SHOC1: variants seen among roughly 807,000 people sequenced by gnomAD.
SHOC1 encodes shortage in chiasmata 1, also known as protein shortage in chiasmata 1 ortholog.
In SHOC1, 136 loss-of-function variants were observed where a neutral mutation model predicts 179.2. The ratio of observed to expected loss-of-function variants is 0.76; its 90% CI spans 0.66 to 0.87. SHOC1 has a LOEUF of 0.87. Ranked by LOEUF, SHOC1 falls within the 40% of genes least tolerant of loss-of-function variation. The pLI, the probability that SHOC1 is intolerant of heterozygous loss-of-function variation, is 0.00. For synonymous variants in SHOC1, 489 were observed against 586.6 expected (o/e 0.83, Z 2.41); for missense variants, 1,538 against 1,700.8 (o/e 0.90, Z 1.68).
chr9:111,722,359 T>C (rs1833092593), intron 15 of SHOC1, 50 bp downstream of exon 15: 2 of 1,497,300 alleles, frequency 1.3e-6, no homozygotes, highest in African/African-American at 1.4e-5. Context: ...TTTGATACAA[T>C]AATTTCTAAG....
intron 24 of SHOC1, among the ~76,000 whole-genome samples, chr9:111,696,788 A>C (rs1349202087): frequency 6.6e-6 from 1 of 152,246 alleles, no homozygotes; most frequent in African/African-American, 2.4e-5. Flanking sequence ...TGAGCTGGGA[A>C]GAGAAGAAGC....
intron 21 of SHOC1, 58 bp from the exon 22 acceptor site, chr9:111,704,050 A>G (rs1832127394): frequency 1.1e-6 from 1 of 904,848 alleles, no homozygotes; most frequent in Admixed American, 2.2e-5. Flanking sequence ...TTATTTAAGA[A>G]AAGTTGTAGT....
chr9:111,721,732 T>A (rs1833062323), intron 15 of SHOC1, among the ~76,000 whole-genome samples: 1 of 152,224 alleles, frequency 6.6e-6, no homozygotes, highest in East Asian at 1.9e-4. Flanking sequence ...CTCTCTGCTC[T>A]CTAACATTCT....
intron 5 of SHOC1, among the ~76,000 whole-genome samples, chr9:111,774,761 C>T (rs1442153131): frequency 6.6e-6 from 1 of 151,742 alleles, no homozygotes; most frequent in East Asian, 1.9e-4. Context: ...ATTTATATAT[C>T]TACATAAAAA....
intron 27 of SHOC1, 69 bp from the exon 28 acceptor site, chr9:111,686,939 C>CTTTTTTTTTTTTTTTTTTTTTTTT (rs10537471): frequency 2.0e-6 from 1 of 498,932 alleles, no homozygotes; most frequent in Non-Finnish European, 3.1e-6. Context: ...TTTTCTTTTC[C>CTTTTTTTTTTTTTTTTTTTTTTTT]TTTTTTTTTT....
chr9:111,754,169 A>G (rs1332019646), intron 8 of SHOC1, among the ~76,000 whole-genome samples: 1 of 152,210 alleles, frequency 6.6e-6, no homozygotes, highest in Non-Finnish European at 1.5e-5. Context: ...CAATTTTGTC[A>G]CAAAAACACT....
At chr9:111,711,833 A>G (rs56351800) in intron 18 of SHOC1, among the ~76,000 whole-genome samples, 1,849 of 152,324 alleles carry the variant, frequency 0.012, 34 homozygotes, top group African/African-American at 0.042. Flanking sequence ...ACCAATCTAT[A>G]TGACTATGTG....
chr9:111,692,481 T>G lies in SHOC1; in HGVS notation c.3496A>C (p.Ile1166Leu). 1 of 1,592,560 alleles carries G rather than the reference T, an allele frequency of 6.3e-7. No individual in the cohort carries two copies. Among genetic ancestry groups the G allele is most frequent in the South Asian group, 1.1e-5 (1 of 87,956 alleles). Residue 1166 changes from isoleucine (I) to leucine (L), a missense_variant, in exon 27 of 28, where the codon ATT becomes CTT. Ile to Leu is a conservative substitution (Grantham distance 5). Transcript: ENST00000682961. ...GATTTTGTTATGGAAGAAGAACCAA[T>G]CTTGAATAGGGAAGTGATGCTACAA... ...HFCSITSLFK[I>L]GSSSITKSPQ...
chr9:111,751,714 A>G (rs764209473), intron 8 of SHOC1, among the ~76,000 whole-genome samples: 21 of 152,250 alleles, frequency 1.4e-4, no homozygotes, highest in Non-Finnish European at 2.8e-4. Context: ...GTTATAATTG[A>G]TTTCTTTCAA....
chr9:111,756,061 G>T (rs1300918448), intron 8 of SHOC1, among the ~76,000 whole-genome samples: 2 of 152,148 alleles, frequency 1.3e-5, no homozygotes. Flanking sequence ...GGCGGAGGTT[G>T]TGGTGAGCTG....
chr9:111,746,393 G>A (rs759169051), intron 9 of SHOC1, 51 bp from the exon 10 acceptor site: 1 of 1,207,794 alleles, frequency 8.3e-7, no homozygotes, highest in Non-Finnish European at 1.2e-6. Flanking sequence ...ATATTAAGTA[G>A]GCTAGGCGTG....
At position 111,703,916 on chromosome 9, in the gene SHOC1, C is replaced by T. The variant is rs1280948488; in HGVS notation, c.2932G>A (p.Val978Met). The T allele has an allele frequency of 1.2e-6, 2 of 1,608,012 alleles. No homozygotes were observed. Among genetic ancestry groups the T allele is most frequent in the Non-Finnish European group, 1.7e-6 (2 of 1,176,754 alleles). ...LFGSSECYVV[V>M]TIDEHTAIIL... ...ATGGCAGTGTGTTCATCAATTGTCA[C>T]CACTACATAACACTCTGAACTTCCA... Residue 978 changes from valine to methionine, a missense_variant, in exon 22 of 28, where the codon GTG becomes ATG. Val to Met is a conservative substitution (Grantham distance 21, BLOSUM62 1). Transcript: ENST00000682961.
intron 13 of SHOC1, among the ~76,000 whole-genome samples, chr9:111,725,335 T>A (rs1182780922): frequency 6.6e-6 from 1 of 152,170 alleles, no homozygotes; most frequent in Non-Finnish European, 1.5e-5. Context: ...AGGCAGGGTC[T>A]CCCTCTGTCA....
intron 20 of SHOC1, among the ~76,000 whole-genome samples, 178 bp downstream of exon 20, chr9:111,706,390 G>T (rs1832275837): frequency 6.6e-6 from 1 of 152,060 alleles, no homozygotes; most frequent in South Asian, 2.1e-4. Context: ...TACAAATGAG[G>T]ACTACGAGGT....
intron 27 of SHOC1, among the ~76,000 whole-genome samples, chr9:111,690,994 C>T (rs1459076779): frequency 3.9e-5 from 6 of 152,080 alleles, no homozygotes; most frequent in East Asian, 1.9e-4. Context: ...AGAAATGACA[C>T]TGAAAGAAAA....
intron 17 of SHOC1, among the ~76,000 whole-genome samples, chr9:111,713,384 A>G (rs12003864): frequency 0.057 from 8,677 of 152,268 alleles, 627 homozygotes; most frequent in African/African-American, 0.17. Flanking sequence ...ATATTTTGGG[A>G]TAGGGCATTC....
intron 1 of SHOC1, among the ~76,000 whole-genome samples, chr9:111,792,182 G>A (rs1465363367): frequency 6.6e-6 from 1 of 152,074 alleles, no homozygotes. Context: ...ACTAGTCCGG[G>A]ATGGTTCTCA....
chr9:111,706,774 G>T, intron 19 of SHOC1, 28 bp from the exon 20 acceptor site: 3 of 1,482,698 alleles, frequency 2.0e-6, no homozygotes, highest in South Asian at 2.7e-5. Context: ...CCAAGAAAAT[G>T]GCATTATACT....
In SHOC1 at chr9:111,686,604, C is replaced by A. The variant is rs891265101; in HGVS notation, c.*166G>T. 14 of 493,780 alleles carry A rather than the reference C, an allele frequency of 2.8e-5. No individual in the cohort carries two copies. The Admixed American group carries it at 3.8e-4, about 14-fold the overall frequency. The allele number at this position is 493,780 out of a possible 1,614,324, so 30.6% of individuals were successfully genotyped here. ...TTAGAATATTTAACTTACAAAGATG[C>A]AAACCATAGGGCAGAATACATATTA... On this transcript the variant is annotated 3_prime_UTR_variant, in exon 28 of 28. Coordinates refer to ENST00000682961, the MANE Select transcript of SHOC1 (RefSeq NM_001378211.1).
Sources: gnomAD v4.1 joint callset for allele counts (sites outside exome capture counted in the v4.1 genomes callset) on GRCh38, gnomAD v4.1.1 for gene constraint, MANE v1.5 for transcripts, NCBI Gene and HGNC (gene_info 2026-07-23, HGNC 2026-07-21) for gene names.